CRPPA: variants seen among roughly 807,000 people sequenced by gnomAD.
CRPPA encodes D-ribitol-5-phosphate cytidylyltransferase.
In CRPPA, 43 loss-of-function variants were observed where a neutral mutation model predicts 52.0. The observed-to-expected ratio is 0.83, with a 90% confidence interval of 0.65 to 1.07. The LOEUF (loss-of-function observed/expected upper bound fraction) is 1.07. Ranked by LOEUF, CRPPA falls within the 50% of genes least tolerant of loss-of-function variation. The pLI, the probability that CRPPA is intolerant of heterozygous loss-of-function variation, is 0.00. For synonymous variants in CRPPA, 250 were observed against 203.5 expected (o/e 1.23, Z -1.94); for missense variants, 629 against 551.7 (o/e 1.14, Z -1.40).
chr7:16,267,441 T>A (rs1170368437), intron 6 of CRPPA, among the ~76,000 whole-genome samples: 3 of 152,238 alleles, frequency 2.0e-5, no homozygotes, highest in African/African-American at 7.2e-5. Flanking sequence ...AACTGATGCC[T>A]GGATCACACT....
chr7:16,165,936 C>A (rs564466301), intron 9 of CRPPA, among the ~76,000 whole-genome samples: 2 of 152,324 alleles, frequency 1.3e-5, no homozygotes, highest in African/African-American at 4.8e-5. Context: ...TTTTTCTTCA[C>A]TCTTGCTTCA....
chr7:16,244,617 A>G (rs559116679), intron 8 of CRPPA, among the ~76,000 whole-genome samples: 3 of 152,352 alleles, frequency 2.0e-5, no homozygotes, highest in African/African-American at 7.2e-5. Context: ...CTAAGTTGAC[A>G]TTCAGCCTCA....
At chr7:16,139,433 A>G (rs1476356894) in intron 9 of CRPPA, among the ~76,000 whole-genome samples, 1 of 152,178 alleles carries the variant, frequency 6.6e-6, no homozygotes, top group Non-Finnish European at 1.5e-5. Context: ...TACACATTTT[A>G]TGACTGATTC....
Position 16,214,754 on chromosome 7 carries a change from G to A in CRPPA, c.1251+1312C>T, listed in dbSNP as rs559448443. On this transcript the variant is annotated intron_variant, in intron 9 of 9. Transcript: ENST00000407010. ...ACTCCTAACCTCAAGTGATCCGCCC[G>A]CCCATCTTGGCCTCCCAAAGTGTTA... Among the ~76,000 whole-genome samples, 259 of 152,136 alleles carry A rather than the reference G, an allele frequency of 1.7e-3. 1 individual carries two copies. The highest frequency in any genetic ancestry group is 2.9e-3 in the Non-Finnish European group (200 of 68,014).
intron 3 of CRPPA, among the ~76,000 whole-genome samples, chr7:16,347,693 A>G (rs1786050154): frequency 6.6e-6 from 1 of 152,170 alleles, no homozygotes; most frequent in Non-Finnish European, 1.5e-5. Context: ...GGCAACTGAG[A>G]AAACATCCAC....
At chr7:16,267,204 C>T (rs1486167509) in intron 6 of CRPPA, among the ~76,000 whole-genome samples, 1 of 152,164 alleles carries the variant, frequency 6.6e-6, no homozygotes, top group Non-Finnish European at 1.5e-5. Context: ...ACAAGCCAGA[C>T]ACTAAATTGT....
At chr7:16,370,840 C>A (rs2128311073) in intron 3 of CRPPA, among the ~76,000 whole-genome samples, 1 of 152,268 alleles carries the variant, frequency 6.6e-6, no homozygotes, top group East Asian at 1.9e-4. Context: ...CACAGGAATG[C>A]AGTGTGAGTG....
In CRPPA at chr7:16,421,291, G is replaced by C. The variant is rs192925278; in HGVS notation, c.32C>G (p.Pro11Arg). The change falls in exon 1 of 10, where the codon CCG becomes CGG. Residue 11 changes from proline to arginine, a missense_variant. Pro to Arg is a moderately radical substitution (Grantham distance 103). Coordinates refer to ENST00000407010, the MANE Select transcript of CRPPA (RefSeq NM_001101426.4). ...ACTCAGGCAAGGACCCGGCTCCGCC[G>C]GCCTGGCGCTGCCCGGCGGCCCGGC... is the stretch of plus-strand genomic sequence containing the variant. MEAGPPGSAR[P>R]AEPGPCLSGQ... 1,696 of 1,270,768 alleles carry C rather than the reference G, an allele frequency of 1.3e-3. 22 individuals carry two copies. The African/African-American group carries it at 0.024, about 18-fold the overall frequency. The allele number at this position is 1,270,768 out of a possible 1,614,324, so 78.7% of individuals were successfully genotyped here. A position where few individuals can be genotyped will look rare whatever the true frequency, so the allele number is the denominator to read the frequency against.
chr7:16,297,937 T>C (rs1289009051), intron 5 of CRPPA, among the ~76,000 whole-genome samples: 2 of 152,194 alleles, frequency 1.3e-5, no homozygotes, highest in Admixed American at 6.5e-5. Flanking sequence ...TATCTCTGTA[T>C]ATCCTGCTGG....
chr7:16,269,193 G>C (rs1376379602), intron 6 of CRPPA: 2 of 152,082 alleles, frequency 1.3e-5, no homozygotes, highest in African/African-American at 2.4e-5. Flanking sequence ...CACTGTGTGA[G>C]GGATCAGTGA....
intron 3 of CRPPA, among the ~76,000 whole-genome samples, chr7:16,332,650 A>G (rs1785580154): frequency 6.6e-6 from 1 of 152,136 alleles, no homozygotes; most frequent in African/African-American, 2.4e-5. Context: ...GGGGAAAGCT[A>G]TTACTGAGAG....
At chr7:16,381,218 A>G (rs1304223504) in intron 2 of CRPPA, among the ~76,000 whole-genome samples, 1 of 152,182 alleles carries the variant, frequency 6.6e-6, no homozygotes, top group Non-Finnish European at 1.5e-5. Context: ...TTCAAAGAAC[A>G]TCTTTATTTC....
chr7:16,360,958 T>G (rs1038797236), intron 3 of CRPPA, among the ~76,000 whole-genome samples: 8 of 152,076 alleles, frequency 5.3e-5, no homozygotes, highest in African/African-American at 1.7e-4. Flanking sequence ...AGAATATGTA[T>G]AAATCATACC....
At chr7:16,376,915 GAC>G (rs1786904606) in intron 2 of CRPPA, among the ~76,000 whole-genome samples, 2 of 152,094 alleles carry the variant, frequency 1.3e-5, no homozygotes, top group Non-Finnish European at 2.9e-5. Context: ...CCCATTGTAA[GAC>G]AGTTTTGAAG....
At chr7:16,367,972 T>G (rs962113044) in intron 3 of CRPPA, among the ~76,000 whole-genome samples, 1 of 152,152 alleles carries the variant, frequency 6.6e-6, no homozygotes, top group African/African-American at 2.4e-5. Context: ...CTGCTGTATC[T>G]TTCATGAATT....
chr7:16,398,255 T>A (rs914827871), intron 2 of CRPPA, among the ~76,000 whole-genome samples: 13 of 151,158 alleles, frequency 8.6e-5, no homozygotes, highest in Non-Finnish European at 1.3e-4. Flanking sequence ...AACACGTGAC[T>A]CACACGTGAC....
intron 9 of CRPPA, among the ~76,000 whole-genome samples, chr7:16,197,337 A>G (rs187439631): frequency 1.3e-5 from 2 of 152,168 alleles, no homozygotes; most frequent in African/African-American, 2.4e-5. Flanking sequence ...GAATCAGTAA[A>G]TTTTTTTCTT....
At chr7:16,283,749 A>G (rs1255133849) in intron 5 of CRPPA, among the ~76,000 whole-genome samples, 2 of 151,900 alleles carry the variant, frequency 1.3e-5, no homozygotes, top group Non-Finnish European at 2.9e-5. Context: ...TTTCTGATAT[A>G]AAACTATTTT....
chr7:16,289,761 A>G (rs976708255), intron 5 of CRPPA, among the ~76,000 whole-genome samples: 9 of 152,172 alleles, frequency 5.9e-5, no homozygotes, highest in Admixed American at 5.2e-4. Flanking sequence ...TTCCTCTAAG[A>G]GGACAAGAAG....
Sources: gnomAD v4.1 joint callset for allele counts (sites outside exome capture counted in the v4.1 genomes callset) on GRCh38, gnomAD v4.1.1 for gene constraint, MANE v1.5 for transcripts, NCBI Gene and HGNC (gene_info 2026-07-23, HGNC 2026-07-21) for gene names.